Variants in TRUB1 observed in about 807,000 individuals in gnomAD.
TRUB1 encodes the protein pseudouridylate synthase TRUB1.
A neutral mutation model predicts 33.9 loss-of-function variants in TRUB1; 23 were observed. The ratio of observed to expected loss-of-function variants is 0.68; its 90% CI spans 0.49 to 0.96. TRUB1 has a LOEUF of 0.96. Ranked by LOEUF, TRUB1 falls within the 40% of genes least tolerant of loss-of-function variation. The pLI, the probability that TRUB1 is intolerant of heterozygous loss-of-function variation, is 0.00. For synonymous variants in TRUB1, 163 were observed against 165.4 expected, an observed-to-expected ratio of 0.99 and a Z score of 0.11; for missense variants, 378 against 422.2, an observed-to-expected ratio of 0.90 and a Z score of 0.92.
At chr10:114,956,455 C>T (rs1029163159) in intron 3 of TRUB1, among the ~76,000 whole-genome samples, 27 of 151,996 alleles carry the variant, frequency 1.8e-4, no homozygotes, top group Non-Finnish European at 3.5e-4. Context: ...TCTTTTTGGT[C>T]GTGAGGCTTT....
intron 4 of TRUB1, among the ~76,000 whole-genome samples, chr10:114,966,882 T>C (rs1016697341): frequency 1.3e-5 from 2 of 152,180 alleles, no homozygotes; most frequent in Non-Finnish European, 2.9e-5. Flanking sequence ...AAAATAGACT[T>C]TTTTTCCAGG....
At chr10:114,947,927 A>G (rs79274267) in intron 2 of TRUB1, among the ~76,000 whole-genome samples, 7,861 of 152,280 alleles carry the variant, frequency 0.052, 251 homozygotes, top group African/African-American at 0.074. Context: ...CTACGATTGG[A>G]AAGATACAGG....
At chr10:114,962,667 A>G (rs2084289337) in intron 4 of TRUB1, among the ~76,000 whole-genome samples, 1 of 152,180 alleles carries the variant, frequency 6.6e-6, no homozygotes, top group South Asian at 2.1e-4. Flanking sequence ...GATGTCCTGT[A>G]ACACAGAGGA....
At chr10:114,938,575 T>C in intron 1 of TRUB1, 36 bp downstream of exon 1, 1 of 1,499,586 alleles carries the variant, frequency 6.7e-7, no homozygotes, top group Non-Finnish European at 8.9e-7. Context: ...GCTGAGGCGG[T>C]CGCTGCGAGA....
chr10:114,967,535 G>C (rs746849531), intron 4 of TRUB1, among the ~76,000 whole-genome samples: 31 of 152,092 alleles, frequency 2.0e-4, no homozygotes, highest in Admixed American at 3.9e-4. Flanking sequence ...ACATGATCTT[G>C]TATATATTCA....
At position 114,976,289 on chromosome 10, in the gene TRUB1, T is replaced by C. The variant is rs563544592; in HGVS notation, c.*910T>C. 6.6e-6 allele frequency: 1 copy of C among 152,304 alleles called. No homozygotes were observed. Among genetic ancestry groups the C allele is most frequent in the East Asian group, 1.9e-4 (1 of 5,190 alleles). 9.4% of individuals were successfully genotyped at this position (152,304 alleles called of 1,614,324 possible). ...TCTTTCAAGAGATACTTACAGATGTTGAGATGGCTGCCCTGCATTTCCAGC... is the reference window on the plus strand; with the variant it reads ...TCTTTCAAGAGATACTTACAGATGTCGAGATGGCTGCCCTGCATTTCCAGC... On this transcript the variant is annotated 3_prime_UTR_variant, in exon 8 of 8. Coordinates refer to ENST00000298746, the MANE Select transcript of TRUB1 (RefSeq NM_139169.5).
chr10:114,945,501 A>G (rs1312465659), intron 2 of TRUB1, among the ~76,000 whole-genome samples: 2 of 152,196 alleles, frequency 1.3e-5, no homozygotes, highest in East Asian at 3.8e-4. Context: ...GCGGTTCTTC[A>G]TTGGCATGCA....
At position 114,975,865 on chromosome 10, in the gene TRUB1, TGGAGA is replaced by T. The variant is rs1173116664; in HGVS notation, c.*488_*492del. 6.6e-6 allele frequency: 1 copy of T among 152,248 alleles called. No homozygotes were observed. The highest frequency in any genetic ancestry group is 2.4e-5 in the African/African-American group (1 of 41,452). 9.4% of individuals were successfully genotyped at this position (152,248 alleles called of 1,614,324 possible). A position where few individuals can be genotyped will look rare whatever the true frequency, so the allele number is the denominator to read the frequency against. ...CATTATTGATCTCTTTCTTCTGTTT[TGGAGA>T]GTTTATTATTAAAAACATTTCTTTG... On this transcript the variant is annotated 3_prime_UTR_variant, in exon 8 of 8. Transcript: ENST00000298746.
chr10:114,965,025 G>A (rs2053043067), intron 4 of TRUB1, among the ~76,000 whole-genome samples: 2 of 151,074 alleles, frequency 1.3e-5, no homozygotes, highest in South Asian at 2.1e-4. Context: ...CGCCTCCCGG[G>A]TTCATGCCAT....
intron 3 of TRUB1, among the ~76,000 whole-genome samples, chr10:114,954,842 C>T (rs557316925): frequency 7.9e-5 from 12 of 152,110 alleles, no homozygotes; most frequent in African/African-American, 1.7e-4. Flanking sequence ...GCCACATGTT[C>T]TGTAGACACC....
In TRUB1 at chr10:114,939,421, CTAGT is replaced by C. The variant is rs201987218; in HGVS notation, c.286+890_286+893del. Among the ~76,000 whole-genome samples, 568 of 152,290 alleles carry C rather than the reference CTAGT, an allele frequency of 3.7e-3. 1 individual carries two copies. The highest frequency in any genetic ancestry group is 0.012 in the African/African-American group (512 of 41,554). ...ATTTCTGCACCTTGTGGTGGTAAAACTAGTTAGTTAGGTTATTCAAGGCCCTCCA... is the reference window on the plus strand; with the variant it reads ...ATTTCTGCACCTTGTGGTGGTAAAACTAGTTAGGTTATTCAAGGCCCTCCA... On this transcript the variant is annotated intron_variant, in intron 1 of 7. Transcript: ENST00000298746.
At position 114,961,213 on chromosome 10, in the gene TRUB1, A is replaced by G. The variant is rs563693602; in HGVS notation, c.523+1406A>G. Among the ~76,000 whole-genome samples the G allele has an allele frequency of 3.9e-4, 59 of 152,208 alleles. No homozygotes were observed. In the South Asian group the frequency reaches 6.4e-3, roughly 17 times the overall value. ...AATGAATTTGGAGGTCTCATAGACAAGTCATGAGGCTCTTATAGTAGTCCA... is the reference window on the plus strand; with the variant it reads ...AATGAATTTGGAGGTCTCATAGACAGGTCATGAGGCTCTTATAGTAGTCCA... On this transcript the variant is annotated intron_variant, in intron 4 of 7. Transcript: ENST00000298746.
At chr10:114,960,298 C>T (rs769915344) in intron 4 of TRUB1, among the ~76,000 whole-genome samples, 1 of 152,166 alleles carries the variant, frequency 6.6e-6, no homozygotes, top group Non-Finnish European at 1.5e-5. Context: ...TAAACCAGAA[C>T]TCACTGGGGC....
chr10:114,953,962 G>T (rs1304008271), intron 3 of TRUB1, among the ~76,000 whole-genome samples: 1 of 151,950 alleles, frequency 6.6e-6, no homozygotes, highest in Non-Finnish European at 1.5e-5. Flanking sequence ...CAACACTGGG[G>T]ATTATATTTC....
intron 3 of TRUB1, among the ~76,000 whole-genome samples, chr10:114,956,656 G>C (rs920888793): frequency 8.5e-5 from 13 of 152,210 alleles, no homozygotes; most frequent in Middle Eastern, 3.4e-3. Flanking sequence ...TGTTGAAATT[G>C]AAACTATTTT....
chr10:114,950,200 T>C (rs1317660752), intron 2 of TRUB1, among the ~76,000 whole-genome samples: 2 of 152,114 alleles, frequency 1.3e-5, no homozygotes, highest in Non-Finnish European at 2.9e-5. Flanking sequence ...ACCTGGCCTT[T>C]TAAAGTTGTT....
At chr10:114,956,262 A>G (rs1165681549) in intron 3 of TRUB1, among the ~76,000 whole-genome samples, 2 of 152,150 alleles carry the variant, frequency 1.3e-5, no homozygotes, top group African/African-American at 2.4e-5. Flanking sequence ...GTAGAATTAC[A>G]TTGTAATGAA....
chr10:114,966,082 A>G (rs2084306481), intron 4 of TRUB1, among the ~76,000 whole-genome samples: 1 of 152,076 alleles, frequency 6.6e-6, no homozygotes, highest in Admixed American at 6.6e-5. Flanking sequence ...ATATACATTC[A>G]CCTATAAAAT....
intron 3 of TRUB1, among the ~76,000 whole-genome samples, chr10:114,956,344 G>C (rs1310555075): frequency 6.6e-6 from 1 of 152,148 alleles, no homozygotes; most frequent in African/African-American, 2.4e-5. Flanking sequence ...CAGACTCTAC[G>C]TAGAATTTAA....
Sources: allele counts gnomAD v4.1 joint callset (sites outside exome capture counted in the v4.1 genomes callset), GRCh38; gene constraint gnomAD v4.1.1; transcripts MANE v1.5; gene names NCBI Gene and HGNC (gene_info 2026-07-23, HGNC 2026-07-21).